Variants in HERC4 observed in about 807,000 individuals in gnomAD.
HERC4 encodes HECT and RLD domain containing E3 ubiquitin protein ligase 4.
In HERC4, 28 loss-of-function variants were observed where a neutral mutation model predicts 124.3. That is an observed-to-expected ratio of 0.23 (90% CI 0.17 to 0.31). The LOEUF is 0.31. Ranked by LOEUF, HERC4 falls within the 10% of genes least tolerant of loss-of-function variation. The probability of loss-of-function intolerance (pLI) is 1.00; values close to 1 mark genes in which losing one functional copy is unlikely to be tolerated. For synonymous variants in HERC4, 407 were observed against 421.5 expected (o/e 0.97, Z 0.42); for missense variants, 713 against 1,229.3 (o/e 0.58, Z 6.28).
chr10:67,958,673 G>GT lies in HERC4; in HGVS notation c.1927-1698dup, dbSNP rs1464430351. 1.1e-4 allele frequency among the ~76,000 whole-genome samples: 17 copies of GT among 152,246 alleles called. No homozygotes were observed. The East Asian group carries it at 3.3e-3, about 29-fold the overall frequency. ...AGTGAGAAAGATAATCATACAAAAA[G>GT]TTTAACTTTGTGACCATTCTGAGTA... On this transcript the variant is annotated intron_variant, in intron 16 of 24. Transcript: ENST00000373700.
chr10:67,935,782 T>A (rs73261376), intron 22 of HERC4, among the ~76,000 whole-genome samples: 11,908 of 152,228 alleles, frequency 0.078, 1,231 homozygotes, highest in African/African-American at 0.24. Flanking sequence ...TTCTAGCATT[T>A]CCCCAAACAC....
chr10:67,958,210 C>A (rs2034271063), intron 16 of HERC4, among the ~76,000 whole-genome samples: 1 of 152,128 alleles, frequency 6.6e-6, no homozygotes, highest in South Asian at 2.1e-4. Flanking sequence ...TCATGCTCTC[C>A]CTAAATTGTA....
chr10:68,033,468 T>A (rs527596577), intron 6 of HERC4, among the ~76,000 whole-genome samples: 1 of 152,202 alleles, frequency 6.6e-6, no homozygotes, highest in Non-Finnish European at 1.5e-5. Context: ...AATGTAATCA[T>A]GAAAAATAAG....
At chr10:68,028,360 T>A (rs954801825) in intron 7 of HERC4, among the ~76,000 whole-genome samples, 1 of 152,222 alleles carries the variant, frequency 6.6e-6, no homozygotes, top group African/African-American at 2.4e-5. Context: ...TGGATTTTTT[T>A]ATAGATCTGA....
chr10:67,988,958 C>G (rs963696890), intron 14 of HERC4, 123 bp from the exon 15 acceptor site: 39 of 694,954 alleles, frequency 5.6e-5, no homozygotes, highest in Non-Finnish European at 2.7e-5. Flanking sequence ...CAGAAAGATG[C>G]ATATAACACA....
intron 23 of HERC4, among the ~76,000 whole-genome samples, chr10:67,927,174 A>T (rs1365899681): frequency 1.3e-5 from 2 of 152,028 alleles, no homozygotes; most frequent in Non-Finnish European, 2.9e-5. Context: ...CAACTGTTTG[A>T]ATTAAAGTCT....
intron 16 of HERC4, 133 bp from the exon 17 acceptor site, chr10:67,957,109 A>C: frequency 1.9e-6 from 1 of 515,338 alleles, no homozygotes; most frequent in Non-Finnish European, 3.4e-6. Context: ...CAAATAAAAC[A>C]TGCTGCTTAC....
chr10:68,009,731 A>G (rs1446096836), intron 9 of HERC4, among the ~76,000 whole-genome samples: 1 of 152,152 alleles, frequency 6.6e-6, no homozygotes, highest in Non-Finnish European at 1.5e-5. Flanking sequence ...GCATGATAGC[A>G]TTTTACCCAC....
intron 8 of HERC4, among the ~76,000 whole-genome samples, chr10:68,017,749 A>G (rs1021119820): frequency 5.9e-5 from 9 of 152,200 alleles, no homozygotes; most frequent in African/African-American, 2.2e-4. Context: ...TCGGCCTCCC[A>G]AAGTGCTGGG....
intron 8 of HERC4, among the ~76,000 whole-genome samples, chr10:68,020,656 C>A (rs2038564033): frequency 6.6e-6 from 1 of 150,800 alleles, no homozygotes; most frequent in African/African-American, 2.4e-5. Context: ...GTAGTCCCAG[C>A]TACTTGGGAG....
chr10:68,040,466 TAA>T, intron 4 of HERC4: 1 of 780,404 alleles, frequency 1.3e-6, no homozygotes, highest in Non-Finnish European at 1.6e-6. Context: ...CCATTTTTTC[TAA>T]AGAGATAAAT....
chr10:68,066,630 T>C (rs570209629), intron 3 of HERC4, among the ~76,000 whole-genome samples: 1 of 152,324 alleles, frequency 6.6e-6, no homozygotes, highest in Non-Finnish European at 1.5e-5. Flanking sequence ...GCGGACTTTA[T>C]ACAACATAAC....
At chr10:67,978,778 C>A (rs114927373) in intron 15 of HERC4, among the ~76,000 whole-genome samples, 1 of 152,086 alleles carries the variant, frequency 6.6e-6, no homozygotes. Context: ...TCAGAACAGA[C>A]AAAGTTTGTT....
At chr10:67,951,445 G>C (rs558701240) in intron 19 of HERC4, among the ~76,000 whole-genome samples, 1 of 152,270 alleles carries the variant, frequency 6.6e-6, no homozygotes, top group African/African-American at 2.4e-5. Context: ...ATGGCATTGT[G>C]GGATGCCCTC....
chr10:67,969,955 G>C (rs1372534112), intron 15 of HERC4, among the ~76,000 whole-genome samples: 1 of 152,122 alleles, frequency 6.6e-6, no homozygotes, highest in African/African-American at 2.4e-5. Flanking sequence ...CTGACAAGAG[G>C]AAAGAATGAG....
intron 23 of HERC4, among the ~76,000 whole-genome samples, chr10:67,931,231 G>A (rs1438513151): frequency 2.6e-5 from 4 of 151,926 alleles, no homozygotes; most frequent in African/African-American, 7.3e-5. Flanking sequence ...TGATCCGCCC[G>A]CCTCGGTGTC....
chr10:67,942,427 T>C (rs1022503427), intron 19 of HERC4, among the ~76,000 whole-genome samples: 4 of 152,334 alleles, frequency 2.6e-5, no homozygotes, highest in African/African-American at 7.2e-5. Flanking sequence ...CTAGGAGAAA[T>C]TCTACTTCCT....
intron 7 of HERC4, among the ~76,000 whole-genome samples, chr10:68,032,361 C>T (rs1260084699): frequency 1.3e-5 from 2 of 152,152 alleles, no homozygotes; most frequent in Non-Finnish European, 2.9e-5. Context: ...AAATTCATCT[C>T]CTCTATTGCT....
chr10:67,962,275 C>G (rs2034573539), intron 16 of HERC4, among the ~76,000 whole-genome samples: 2 of 150,138 alleles, frequency 1.3e-5, no homozygotes, highest in Admixed American at 1.3e-4. Context: ...GATAACTATA[C>G]TATATACCAA....
Sources: allele counts gnomAD v4.1 joint callset (sites outside exome capture counted in the v4.1 genomes callset), GRCh38; gene constraint gnomAD v4.1.1; transcripts MANE v1.5; gene names NCBI Gene and HGNC (gene_info 2026-07-23, HGNC 2026-07-21).